UNC80: variants seen among roughly 807,000 people sequenced by gnomAD.
The protein encoded by UNC80 is protein unc-80 homolog.
A neutral mutation model predicts 384.6 loss-of-function variants in UNC80; 164 were observed. That is an observed-to-expected ratio of 0.43 (90% confidence interval 0.38 to 0.49). The LOEUF is 0.49. Ranked by LOEUF, UNC80 falls within the 20% of genes least tolerant of loss-of-function variation. UNC80 has a pLI of 0.00. For missense variants in UNC80, 3,330 were observed against 4,143.0 expected (o/e 0.80, Z 5.39); for synonymous variants, 1,486 against 1,527.8 (o/e 0.97, Z 0.64).
intron 7 of UNC80, among the ~76,000 whole-genome samples, chr2:209,796,991 A>T (rs1300479713): frequency 6.6e-6 from 1 of 152,122 alleles, no homozygotes; most frequent in Non-Finnish European, 1.5e-5. Context: ...TCCCACACCC[A>T]GCCCCAGATA....
intron 21 of UNC80, among the ~76,000 whole-genome samples, chr2:209,846,168 A>G (rs559641954): frequency 6.6e-6 from 1 of 152,230 alleles, no homozygotes; most frequent in African/African-American, 2.4e-5. Context: ...AAACCTTCTT[A>G]CCCTCAGTTT....
chr2:209,779,819 T>C (rs2077058640), intron 4 of UNC80, among the ~76,000 whole-genome samples: 1 of 152,212 alleles, frequency 6.6e-6, no homozygotes, highest in African/African-American at 2.4e-5. Context: ...TTGACAAATA[T>C]CACCTGGAAA....
intron 56 of UNC80, among the ~76,000 whole-genome samples, chr2:209,975,354 T>C (rs2092987130): frequency 6.6e-6 from 1 of 152,170 alleles, no homozygotes; most frequent in African/African-American, 2.4e-5. Flanking sequence ...CACAATACTC[T>C]GGTTTGTCCT....
intron 47 of UNC80, among the ~76,000 whole-genome samples, chr2:209,948,935 C>G (rs764863174): frequency 2.6e-5 from 4 of 151,958 alleles, no homozygotes; most frequent in Non-Finnish European, 5.9e-5. Flanking sequence ...CCAAATGTTC[C>G]TCTCTATTTA....
rs531918734 is a variant in UNC80 at position 209,969,751 on chromosome 2, C to T, written c.8007-17C>T. The T allele has an allele frequency of 4.3e-5, 66 of 1,551,518 alleles. No individual in the cohort carries two copies. In the South Asian group the frequency reaches 6.8e-4, roughly 16 times the overall value. ...GAAGGGAGCCAAGACGCTAATGGCG[C>T]CTATATTGTATTCCAGGCGACAGGT... On this transcript the variant is annotated splice_polypyrimidine_tract_variant and intron_variant, in intron 52 of 64. Coordinates refer to ENST00000673920, the MANE Select transcript of UNC80 (RefSeq NM_001371986.1).
chr2:209,994,298 C>T, intron 64 of UNC80, 34 bp downstream of exon 64: 1 of 1,511,004 alleles, frequency 6.6e-7, no homozygotes, highest in African/African-American at 1.4e-5. Context: ...AAGGCTTGCT[C>T]CCTGTGTACT....
At chr2:209,879,517 T>A (rs2085088541) in intron 24 of UNC80, among the ~76,000 whole-genome samples, 1 of 152,210 alleles carries the variant, frequency 6.6e-6, no homozygotes, top group Non-Finnish European at 1.5e-5. Context: ...AGACTAAGAC[T>A]AAGCTCATTG....
chr2:209,933,959 G>A lies in UNC80; in HGVS notation c.6132G>A (p.Lys2044=). Residue 2044 remains lysine (K), a synonymous_variant, in exon 39 of 65, where the codon AAG becomes AAA. Coordinates refer to ENST00000673920, the MANE Select transcript of UNC80 (RefSeq NM_001371986.1). ...TCAAGGATCTCAAGCAGACGATGAA[G>A]AAGGAGCAGTGTGAGGTGAAGCTCC... ...LFFKDLKQTM[K]KEQCEVKLLV... The A allele has an allele frequency of 1.3e-6, 2 of 1,550,572 alleles. No individual in the cohort carries two copies. The highest frequency in any genetic ancestry group is 1.7e-6 in the Non-Finnish European group (2 of 1,146,710).
rs769870208 is a variant in UNC80 at position 209,995,539 on chromosome 2, T to C, written c.9919T>C (p.Phe3307Leu). 6.4e-7 allele frequency: 1 copy of C among 1,551,998 alleles called. No homozygotes were observed. The highest frequency in any genetic ancestry group is 1.2e-5 in the South Asian group (1 of 84,062). Residue 3307 changes from phenylalanine (F) to leucine (L), a missense_variant, in exon 65 of 65, where the codon TTT becomes CTT. Transcript: ENST00000673920. ...ENPLLSSQFTFTPTELGKTDA... is the reference protein window; with the variant it reads ...ENPLLSSQFTLTPTELGKTDA... The stretch of plus-strand genomic sequence containing the variant: ...CCCGCTACTATCTAGTCAGTTCACC[T>C]TTACTCCCACTGAGCTGGGGAAAAC...
intron 15 of UNC80, 86 bp downstream of exon 15, chr2:209,829,465 G>A: frequency 2.8e-6 from 4 of 1,427,036 alleles, no homozygotes; most frequent in Non-Finnish European, 2.9e-6. Context: ...ATTTGTGGAG[G>A]TAGAATTTAG....
chr2:209,979,513 G>A (rs2093103907), intron 59 of UNC80, among the ~76,000 whole-genome samples: 1 of 152,142 alleles, frequency 6.6e-6, no homozygotes, highest in Non-Finnish European at 1.5e-5. Flanking sequence ...CTGTCTTGAG[G>A]GAAAGTACTC....
chr2:209,821,276 T>C (rs1301952161), intron 13 of UNC80, among the ~76,000 whole-genome samples: 1 of 152,192 alleles, frequency 6.6e-6, no homozygotes, highest in East Asian at 1.9e-4. Flanking sequence ...TTTCTTCTTA[T>C]ATGGGCCCAA....
chr2:209,808,708 C>T (rs1257531885), intron 7 of UNC80: 6 of 108,362 alleles, frequency 5.5e-5, no homozygotes, highest in East Asian at 2.9e-4. Context: ...AGGGAGTTGG[C>T]GGAGCGGCTG....
chr2:209,924,981 C>T (rs1375158027), intron 35 of UNC80, among the ~76,000 whole-genome samples: 1 of 152,032 alleles, frequency 6.6e-6, no homozygotes, highest in Non-Finnish European at 1.5e-5. Flanking sequence ...CTGGTTTTAA[C>T]AGCTACCATG....
intron 1 of UNC80, among the ~76,000 whole-genome samples, chr2:209,772,764 T>C (rs2076649995): frequency 6.6e-6 from 1 of 152,200 alleles, no homozygotes; most frequent in Admixed American, 6.5e-5. Context: ...TTATGACCCA[T>C]AAGCCGTGTT....
At position 209,998,658 on chromosome 2, in the gene UNC80, G is replaced by A. The variant is rs919818795; in HGVS notation, c.*3063G>A. 6.6e-6 allele frequency: 1 copy of A among 152,254 alleles called. No individual in the cohort carries two copies. The highest frequency in any genetic ancestry group is 2.4e-5 in the African/African-American group (1 of 41,460). 9.4% of individuals were successfully genotyped at this position (152,254 alleles called of 1,614,324 possible). On this transcript the variant is annotated 3_prime_UTR_variant, in exon 65 of 65. Transcript: ENST00000673920. The stretch of plus-strand genomic sequence containing the variant: ...AGTATCTGAGATGAGAATAGGATGT[G>A]TGTGGAGGGGCTTTTAGGGAAGAAA...
chr2:209,897,574 T>A (rs779885329), intron 28 of UNC80, among the ~76,000 whole-genome samples: 13 of 151,680 alleles, frequency 8.6e-5, no homozygotes, highest in Admixed American at 2.6e-4. Context: ...TTAATTAATT[T>A]AAAAAAAAAC....
rs774676592 is a variant in UNC80, at chr2:209,969,904, G to A, written c.8130+13G>A. On this transcript the variant is annotated intron_variant, in intron 53 of 64. Transcript: ENST00000673920. ...CTGTGTCAATCTGGTGAGTAGCCAAGTGGCAATCTTATGAAACTTTGCACA... is the reference window on the plus strand; with the variant it reads ...CTGTGTCAATCTGGTGAGTAGCCAAATGGCAATCTTATGAAACTTTGCACA... 6.4e-7 allele frequency: 1 copy of A among 1,551,296 alleles called. No individual in the cohort carries two copies. Among genetic ancestry groups the A allele is most frequent in the South Asian group, 1.2e-5 (1 of 83,908 alleles).
At chr2:209,847,045 T>C (rs755720606) in intron 21 of UNC80, among the ~76,000 whole-genome samples, 6 of 152,072 alleles carry the variant, frequency 3.9e-5, no homozygotes, top group South Asian at 2.1e-4. Context: ...AGAGATTACA[T>C]TGTGGCATTG....
Sources: allele counts gnomAD v4.1 joint callset (sites outside exome capture counted in the v4.1 genomes callset), GRCh38; gene constraint gnomAD v4.1.1; transcripts MANE v1.5; gene names NCBI Gene and HGNC (gene_info 2026-07-23, HGNC 2026-07-21).